The following CSDC2 variants were observed in gnomAD, a reference collection of about 807,000 sequenced individuals.
The protein encoded by CSDC2 is cold shock domain containing C2.
In CSDC2, 8 loss-of-function variants were observed where a neutral mutation model predicts 15.8. The observed-to-expected ratio is 0.51, with a 90% CI of 0.30 to 0.92. The LOEUF (loss-of-function observed/expected upper bound fraction) is 0.92. Among genes scored for constraint, CSDC2 ranks in the 40% least tolerant of loss-of-function variants. The pLI is 0.07. For synonymous variants in CSDC2, 96 were observed against 92.3 expected (o/e 1.04, Z -0.23); for missense variants, 195 against 213.3 (o/e 0.91, Z 0.53).
chr22:41,565,542 C>T lies in CSDC2; in HGVS notation c.-124+4359C>T, dbSNP rs180750578. On this transcript the variant is annotated intron_variant, in intron 1 of 3. Coordinates refer to ENST00000306149, the MANE Select transcript of CSDC2 (RefSeq NM_014460.4). ...TAGGGAGACTGAGGCTGCAGTGAGCCATGATGGTGCCACTGCACTCCGGCC... is the reference window on the plus strand; with the variant it reads ...TAGGGAGACTGAGGCTGCAGTGAGCTATGATGGTGCCACTGCACTCCGGCC... Among the ~76,000 whole-genome samples, 521 of 152,026 alleles carry T rather than the reference C, an allele frequency of 3.4e-3. 3 individuals carry two copies. Among genetic ancestry groups the T allele is most frequent in the African/African-American group, 0.012 (495 of 41,470 alleles).
At chr22:41,566,535 G>A (rs1282465075) in intron 1 of CSDC2, among the ~76,000 whole-genome samples, 1 of 151,012 alleles carries the variant, frequency 6.6e-6, no homozygotes, top group African/African-American at 2.4e-5. Flanking sequence ...GGAGTTTGAG[G>A]CAGGAGAATC....
intron 1 of CSDC2, among the ~76,000 whole-genome samples, chr22:41,563,619 G>A (rs1399995670): frequency 2.6e-5 from 4 of 151,994 alleles, no homozygotes; most frequent in Admixed American, 6.6e-5. Flanking sequence ...TTCCACACCC[G>A]ACTCCTCCTT....
intron 1 of CSDC2, among the ~76,000 whole-genome samples, chr22:41,561,859 G>T (rs530184009): frequency 3.7e-4 from 56 of 152,314 alleles, no homozygotes; most frequent in Middle Eastern, 3.4e-3. Flanking sequence ...GATAAGTCAG[G>T]GCCTGCCAGG....
chr22:41,562,961 C>T (rs1331755060), intron 1 of CSDC2, among the ~76,000 whole-genome samples: 1 of 152,048 alleles, frequency 6.6e-6, no homozygotes, highest in Admixed American at 6.6e-5. Flanking sequence ...AGTGACTTGC[C>T]TAGGGTCGCA....
intron 1 of CSDC2, among the ~76,000 whole-genome samples, chr22:41,561,970 G>A (rs1290092986): frequency 6.6e-6 from 1 of 152,216 alleles, no homozygotes; most frequent in East Asian, 1.9e-4. Context: ...GATAAGGGGC[G>A]ACGCTGGCAC....
At chr22:41,570,064 G>A (rs976882096) in intron 1 of CSDC2, among the ~76,000 whole-genome samples, 7 of 151,810 alleles carry the variant, frequency 4.6e-5, no homozygotes, top group South Asian at 4.2e-4. Flanking sequence ...ACAGGTGTGC[G>A]CCACCACACC....
rs545125782 is a variant in CSDC2 at position 41,571,852 on chromosome 22, G to A, written c.-114G>A. The stretch of plus-strand genomic sequence containing the variant: ...TTTCTTCCTCTTCCAGACGGAGCCC[G>A]TGGCTGGTGAGGCCGCAGAGCAGGG... On this transcript the variant is annotated 5_prime_UTR_variant, in exon 2 of 4. It adds an upstream start codon to the 5' untranslated region. Coordinates refer to ENST00000306149, the MANE Select transcript of CSDC2 (RefSeq NM_014460.4). The A allele has an allele frequency of 2.3e-4, 138 of 601,194 alleles. No homozygotes were observed. Among genetic ancestry groups the A allele is most frequent in the Non-Finnish European group, 3.0e-4 (116 of 393,196 alleles). The allele number at this position is 601,194 out of a possible 1,614,324, so 37.2% of individuals were successfully genotyped here. A position where few individuals can be genotyped will look rare whatever the true frequency, so the allele number is the denominator to read the frequency against.
Position 41,572,127 on chromosome 22 carries a change from C to G in CSDC2, c.162C>G (p.Thr54=). 1 of 1,334,490 alleles carries G rather than the reference C, an allele frequency of 7.5e-7. No homozygotes were observed. Among genetic ancestry groups the G allele is most frequent in the Non-Finnish European group, 9.6e-7 (1 of 1,036,538 alleles). The allele number at this position is 1,334,490 out of a possible 1,614,324, so 82.7% of individuals were successfully genotyped here. Residue 54 remains threonine (T), a synonymous_variant, in exon 2 of 4, where the codon ACC becomes ACG. Transcript: ENST00000306149. ...CCAGCCCTCTGCCCACCAAGCGGAC[C>G]AGGACCTATTCAGCGTGAGTACCTG... The part of the protein sequence containing the change: ...DLPSPLPTKR[T]RTYSATARAS...
At chr22:41,567,519 C>G (rs1220934602) in intron 1 of CSDC2, among the ~76,000 whole-genome samples, 4 of 152,262 alleles carry the variant, frequency 2.6e-5, no homozygotes, top group Non-Finnish European at 5.9e-5. Context: ...GAGAGGGGGT[C>G]TGAACTGGAG....
chr22:41,572,486 A>ATCCGTCTGTCCG (rs2067152990), intron 2 of CSDC2, among the ~76,000 whole-genome samples: 2 of 150,534 alleles, frequency 1.3e-5, no homozygotes, highest in Admixed American at 1.3e-4. Context: ...CCGTCCATCC[A>ATCCGTCTGTCCG]TCCGTCTGTC....
intron 1 of CSDC2, among the ~76,000 whole-genome samples, chr22:41,568,368 C>T (rs1371181171): frequency 2.6e-5 from 4 of 151,888 alleles, no homozygotes; most frequent in African/African-American, 4.8e-5. Context: ...TCTGCAGCCT[C>T]GACCTCCTGG....
rs2067147730 is a variant in CSDC2 at position 41,572,024 on chromosome 22, C to T, written c.59C>T (p.Pro20Leu). The part of the protein sequence containing the change: ...VVPPLHSPKS[P>L]VWPTFPFHRE... ...CCCCCGCTCCACTCCCCCAAGTCCC[C>T]AGTCTGGCCCACCTTCCCCTTCCAC... is the stretch of plus-strand genomic sequence containing the variant. Residue 20 changes from proline to leucine, a missense_variant, in exon 2 of 4, where the codon CCA (proline) becomes CTA (leucine). By Grantham distance (98) the Pro-to-Leu change is moderately conservative (BLOSUM62 -3). Transcript: ENST00000306149. The T allele has an allele frequency of 1.5e-6, 2 of 1,363,662 alleles. No individual in the cohort carries two copies. Among genetic ancestry groups the T allele is most frequent in the South Asian group, 2.0e-5 (1 of 50,518 alleles). The allele number at this position is 1,363,662 out of a possible 1,614,324, so 84.5% of individuals were successfully genotyped here. A position where few individuals can be genotyped will look rare whatever the true frequency, so the allele number is the denominator to read the frequency against.
intron 1 of CSDC2, among the ~76,000 whole-genome samples, chr22:41,567,022 T>A (rs2067119907): frequency 6.6e-6 from 1 of 152,056 alleles, no homozygotes; most frequent in South Asian, 2.1e-4. Flanking sequence ...CCCTCTTACC[T>A]GACTGCTCGT....
intron 1 of CSDC2, among the ~76,000 whole-genome samples, chr22:41,571,117 C>T (rs558044940): frequency 3.1e-4 from 47 of 152,156 alleles, no homozygotes; most frequent in African/African-American, 1.1e-3. Flanking sequence ...CTTTGGGAGA[C>T]CAAGGTGGGC....
At chr22:41,569,632 A>T (rs1020288055) in intron 1 of CSDC2, among the ~76,000 whole-genome samples, 1 of 152,034 alleles carries the variant, frequency 6.6e-6, no homozygotes, top group Non-Finnish European at 1.5e-5. Context: ...CTTATGGCCA[A>T]GTGCTAGTCT....
chr22:41,572,327 T>C (rs534814450), intron 2 of CSDC2, among the ~76,000 whole-genome samples, 186 bp downstream of exon 2: 1,820 of 100,076 alleles, frequency 0.018, 43 homozygotes, highest in African/African-American at 0.083. Context: ...CATCCATCCA[T>C]CCATCCATCC....
chr22:41,562,899 T>C (rs893621753), intron 1 of CSDC2, among the ~76,000 whole-genome samples: 2 of 152,120 alleles, frequency 1.3e-5, no homozygotes, highest in African/African-American at 2.4e-5. Context: ...GCTGTATGTA[T>C]GTATGACTTT....
intron 1 of CSDC2, among the ~76,000 whole-genome samples, chr22:41,563,189 C>T (rs1341518304): frequency 1.3e-5 from 2 of 152,100 alleles, no homozygotes; most frequent in Non-Finnish European, 2.9e-5. Context: ...GGCACACAGG[C>T]TGTGTGGGGG....
chr22:41,561,393 G>C (rs979749880), intron 1 of CSDC2, among the ~76,000 whole-genome samples: 1 of 152,212 alleles, frequency 6.6e-6, no homozygotes, highest in Non-Finnish European at 1.5e-5. Flanking sequence ...TGTGGCTCCC[G>C]TGGGAGCATG....
Sources: gnomAD v4.1 joint callset for allele counts (sites outside exome capture counted in the v4.1 genomes callset) on GRCh38, gnomAD v4.1.1 for gene constraint, MANE v1.5 for transcripts, NCBI Gene and HGNC (gene_info 2026-07-23, HGNC 2026-07-21) for gene names.